The following TTC1 variants were observed in gnomAD, a reference collection of about 807,000 sequenced individuals.
TTC1 encodes the protein tetratricopeptide repeat protein 1.
In TTC1, 31 loss-of-function variants were observed where a neutral mutation model predicts 37.6. The observed-to-expected ratio is 0.82, with a 90% CI of 0.62 to 1.11. The LOEUF (loss-of-function observed/expected upper bound fraction) is 1.11. Ranked by LOEUF, TTC1 falls within the 50% of genes most tolerant of loss-of-function variation. The probability of loss-of-function intolerance (pLI) is 0.00; values close to 1 mark genes in which losing one functional copy is unlikely to be tolerated. For missense variants in TTC1, 351 were observed against 339.0 expected, an observed-to-expected ratio of 1.04 and a Z score of -0.28; for synonymous variants, 127 against 122.4, an observed-to-expected ratio of 1.04 and a Z score of -0.25.
At chr5:160,023,024 G>A (rs1240717829) in intron 2 of TTC1, among the ~76,000 whole-genome samples, 2 of 152,108 alleles carry the variant, frequency 1.3e-5, no homozygotes, top group East Asian at 3.9e-4. Context: ...GGGAGGCCGA[G>A]GTGGGCGGAT....
intron 2 of TTC1, among the ~76,000 whole-genome samples, chr5:160,026,950 A>G (rs948755724): frequency 7.0e-6 from 1 of 142,018 alleles, no homozygotes; most frequent in African/African-American, 2.6e-5. Flanking sequence ...CTTTTTAGCT[A>G]TTTTCTTAGT....
intron 2 of TTC1, among the ~76,000 whole-genome samples, chr5:160,033,433 AT>A (rs1756951142): frequency 6.6e-6 from 1 of 152,222 alleles, no homozygotes; most frequent in African/African-American, 2.4e-5. Flanking sequence ...ATAATAAGAC[AT>A]TTGGGAAATA....
intron 6 of TTC1, among the ~76,000 whole-genome samples, chr5:160,050,579 C>T (rs1263740351): frequency 6.6e-6 from 1 of 150,898 alleles, no homozygotes; most frequent in Non-Finnish European, 1.5e-5. Context: ...TGATGCCCTC[C>T]TTTAGTGTAG....
At chr5:160,014,755 A>G (rs1329500524) in intron 2 of TTC1, among the ~76,000 whole-genome samples, 2 of 152,152 alleles carry the variant, frequency 1.3e-5, no homozygotes, top group African/African-American at 4.8e-5. Flanking sequence ...AGTAAGTACC[A>G]TATTGGACAT....
chr5:160,026,770 T>G (rs547300476), intron 2 of TTC1, among the ~76,000 whole-genome samples: 6 of 152,342 alleles, frequency 3.9e-5, no homozygotes, highest in Non-Finnish European at 8.8e-5. Flanking sequence ...TTTGAGTTGT[T>G]TAGTCCATTC....
chr5:160,014,755 A>C (rs1329500524), intron 2 of TTC1, among the ~76,000 whole-genome samples: 2 of 152,152 alleles, frequency 1.3e-5, no homozygotes, highest in African/African-American at 4.8e-5. Flanking sequence ...AGTAAGTACC[A>C]TATTGGACAT....
At chr5:160,020,818 G>T (rs188237123) in intron 2 of TTC1, among the ~76,000 whole-genome samples, 1 of 152,262 alleles carries the variant, frequency 6.6e-6, no homozygotes, top group East Asian at 1.9e-4. Context: ...ACATTATGGT[G>T]AATTGTATAA....
At position 160,057,155 on chromosome 5, in the gene TTC1, C is replaced by T. The variant is rs767964087; in HGVS notation, c.745+5972C>T. 3.3e-5 allele frequency among the ~76,000 whole-genome samples: 5 copies of T among 152,154 alleles called. No homozygotes were observed. The highest frequency in any genetic ancestry group is 5.9e-5 in the Non-Finnish European group (4 of 68,032). ...CTTTTCAGTGCTTTGCTTTTGTCTT[C>T]ATTTCCTAATTGCTATCCTGAGGCT... On this transcript the variant is annotated intron_variant, in intron 7 of 7. Transcript: ENST00000231238. The surrounding 1 kb of genome is among the most constrained non-coding windows in gnomAD (Gnocchi z 4.4).
At chr5:160,061,348 C>CCTG (rs1753390198) in intron 7 of TTC1, among the ~76,000 whole-genome samples, 1 of 152,232 alleles carries the variant, frequency 6.6e-6, no homozygotes, top group South Asian at 2.1e-4. Context: ...TCTTCCCCTT[C>CCTG]CTGACTCTCG....
At chr5:160,056,058 T>C (rs1004973021) in intron 7 of TTC1, among the ~76,000 whole-genome samples, 1 of 152,236 alleles carries the variant, frequency 6.6e-6, no homozygotes, top group Non-Finnish European at 1.5e-5. Context: ...GTATGGCTTG[T>C]ATTCTGACCA....
At position 160,036,693 on chromosome 5, in the gene TTC1, T is replaced by C. The variant is rs1757004196; in HGVS notation, c.394T>C (p.Tyr132His). Residue 132 changes from tyrosine (Y) to histidine (H), a missense_variant and splice_region_variant, in exon 4 of 8, where the codon TAT (tyrosine) becomes CAT (histidine). Tyr to His is a moderately conservative substitution (Grantham distance 83). Transcript: ENST00000231238. ...EGNEQFKKGD[Y>H]IEAESSYSRA... ...TTCATCCTTTCTCTTATCCTCAGAT[T>C]ATATAGAAGCTGAAAGTTCTTATAG... is the stretch of plus-strand genomic sequence containing the variant. The C allele has an allele frequency of 6.2e-7, 1 of 1,606,988 alleles. No homozygotes were observed. The highest frequency in any genetic ancestry group is 8.5e-7 in the Non-Finnish European group (1 of 1,173,568).
At chr5:160,046,907 G>A (rs1263743057) in intron 5 of TTC1, among the ~76,000 whole-genome samples, 55 of 152,096 alleles carry the variant, frequency 3.6e-4, no homozygotes, top group Admixed American at 3.5e-3. Context: ...AGCTACTCAG[G>A]AGGCTGAGGC....
chr5:160,061,076 T>C (rs1753373960), intron 7 of TTC1, among the ~76,000 whole-genome samples: 1 of 152,202 alleles, frequency 6.6e-6, no homozygotes, highest in African/African-American at 2.4e-5. Flanking sequence ...ACGGGAACCG[T>C]AGGCTGACGG....
intron 2 of TTC1, among the ~76,000 whole-genome samples, chr5:160,034,889 C>G (rs1388937207): frequency 6.6e-6 from 1 of 152,096 alleles, no homozygotes; most frequent in East Asian, 1.9e-4. Flanking sequence ...AAGATAGAAA[C>G]ATAGAAAGCA....
chr5:160,045,171 C>T (rs980638361), intron 5 of TTC1, among the ~76,000 whole-genome samples: 2 of 152,006 alleles, frequency 1.3e-5, no homozygotes, highest in African/African-American at 2.4e-5. Flanking sequence ...GCCTTGTAAG[C>T]GTGATTAGCA....
intron 7 of TTC1, among the ~76,000 whole-genome samples, chr5:160,056,718 G>T (rs1419526376): frequency 6.6e-6 from 1 of 152,106 alleles, no homozygotes; most frequent in Non-Finnish European, 1.5e-5. Flanking sequence ...GTGAAACCCT[G>T]TCTCAAAAGC....
intron 7 of TTC1, among the ~76,000 whole-genome samples, chr5:160,060,491 T>C (rs1225904821): frequency 1.3e-5 from 2 of 152,160 alleles, no homozygotes. Context: ...GTTCAGGACA[T>C]GTGGACATAT....
At chr5:160,017,094 A>G (rs1314648873) in intron 2 of TTC1, among the ~76,000 whole-genome samples, 2 of 152,224 alleles carry the variant, frequency 1.3e-5, no homozygotes, top group Non-Finnish European at 2.9e-5. Context: ...AATTTTAGCT[A>G]ACATTTGAGA....
At chr5:160,018,303 C>G (rs79926819) in intron 2 of TTC1, among the ~76,000 whole-genome samples, 1,757 of 152,260 alleles carry the variant, frequency 0.012, 20 homozygotes, top group African/African-American at 0.024. Flanking sequence ...TTATAAATTA[C>G]TGAGTCTGTT....
Sources: allele counts gnomAD v4.1 joint callset (sites outside exome capture counted in the v4.1 genomes callset), GRCh38; gene constraint gnomAD v4.1.1; non-coding constraint Gnocchi (gnomAD v3.1); transcripts MANE v1.5; gene names NCBI Gene and HGNC (gene_info 2026-07-23, HGNC 2026-07-21).